Variants in MEGF8 observed in about 807,000 individuals in gnomAD.
MEGF8 encodes the protein multiple EGF like domains 8, also known as multiple epidermal growth factor-like domains protein 8.
Under a neutral mutation model 302.9 loss-of-function variants are expected in MEGF8, and 156 were observed. That is an observed-to-expected ratio of 0.52 (90% CI 0.45 to 0.59). The LOEUF (loss-of-function observed/expected upper bound fraction) is 0.59. Among genes scored for constraint, MEGF8 ranks in the 20% least tolerant of loss-of-function variants. The probability of loss-of-function intolerance (pLI) is 0.00; values close to 1 mark genes in which losing one functional copy is unlikely to be tolerated. For synonymous variants in MEGF8, 1,621 were observed against 1,660.5 expected (o/e 0.98, Z 0.58); for missense variants, 3,345 against 3,964.5 (o/e 0.84, Z 4.20).
At position 42,351,127 on chromosome 19, in the gene MEGF8, C is replaced by T; in HGVS notation, c.2737-89C>T. 1.8e-6 allele frequency: 2 copies of T among 1,134,316 alleles called. No homozygotes were observed. The highest frequency in any genetic ancestry group is 1.3e-6 in the Non-Finnish European group (1 of 791,980). 70.3% of individuals were successfully genotyped at this position (1,134,316 alleles called of 1,614,324 possible). A position where few individuals can be genotyped will look rare whatever the true frequency, so the allele number is the denominator to read the frequency against. ...GAGATGGCCTTACAGGGACAGTCTG[C>T]AGGGTGGGGCAGGGGGTGGGATGGG... On this transcript the variant is annotated intron_variant, in intron 15 of 41. Transcript: ENST00000251268. The surrounding 1 kb of genome is among the most constrained non-coding windows in gnomAD (Gnocchi z 5.6).
At chr19:42,355,033 T>C (rs1183584899) in intron 23 of MEGF8, among the ~76,000 whole-genome samples, 1 of 152,186 alleles carries the variant, frequency 6.6e-6, no homozygotes, top group East Asian at 1.9e-4. Context: ...CTCAGCTCAC[T>C]GCAACTTCTG....
Position 42,360,920 on chromosome 19 carries a change from C to T in MEGF8, c.5634C>T (p.Arg1878=), listed in dbSNP as rs62648096. The T allele has an allele frequency of 7.2e-3, 11,552 of 1,612,282 alleles. 56 individuals carry two copies. Among genetic ancestry groups the T allele is most frequent in the Middle Eastern group, 0.018 (107 of 6,048 alleles). ...LALTLPPDPC[R]LLSSPEACNQ... ...TGACCCTGCCCCCTGACCCCTGCCG[C>T]CTGCTGTCCTCACCTGAAGCTTGTA... is the stretch of plus-strand genomic sequence containing the variant. Residue 1878 remains arginine, a synonymous_variant, in exon 32 of 42, where the codon CGC becomes CGT. Coordinates refer to ENST00000251268, the MANE Select transcript of MEGF8 (RefSeq NM_001271938.2).
At chr19:42,328,826 G>A (rs1459287738) in intron 1 of MEGF8, among the ~76,000 whole-genome samples, 1 of 152,030 alleles carries the variant, frequency 6.6e-6, no homozygotes, top group Non-Finnish European at 1.5e-5. Context: ...GTTCCAGCCT[G>A]GGTGACAGAG....
chr19:42,373,467 C>T (rs2039720647), intron 41 of MEGF8, among the ~76,000 whole-genome samples: 1 of 151,698 alleles, frequency 6.6e-6, no homozygotes, highest in Non-Finnish European at 1.5e-5. Flanking sequence ...GTGGTGCAAT[C>T]TCAGCTCATT....
At chr19:42,340,589 G>T (rs957223634) in intron 8 of MEGF8, among the ~76,000 whole-genome samples, 1 of 152,076 alleles carries the variant, frequency 6.6e-6, no homozygotes, top group East Asian at 1.9e-4. Flanking sequence ...TGATCTGCCC[G>T]CCTGGGCCTC....
rs757114761 is a variant in MEGF8, at chr19:42,360,952, C to CTGGGGCCTGCACCTGGTGCCA, written c.5677_5697dup (p.Thr1893_Cys1899dup). Reference sequence around the variant, plus strand: ...TCCTCACCTGAAGCTTGTAACCAGTCTGGGGCCTGCACCTGGTGCCATGGG... The same window carrying CTGGGGCCTGCACCTGGTGCCA: ...TCCTCACCTGAAGCTTGTAACCAGTCTGGGGCCTGCACCTGGTGCCATGGGGCCTGCACCTGGTGCCATGGG... On this transcript the variant is annotated inframe_insertion, in exon 32 of 42. Coordinates refer to ENST00000251268, the MANE Select transcript of MEGF8 (RefSeq NM_001271938.2). 80 of 1,595,308 alleles carry CTGGGGCCTGCACCTGGTGCCA rather than the reference C, an allele frequency of 5.0e-5. No homozygotes were observed. The highest frequency in any genetic ancestry group is 6.8e-5 in the Non-Finnish European group (80 of 1,168,096).
Position 42,352,094 on chromosome 19 carries a change from AT to A in MEGF8, c.3102-111del. ...CTGGTTTCTCTGTCTCTCTTTCCAA[AT>A]TTGTATTTGCATCCCTCTCCTTCCA... On this transcript the variant is annotated intron_variant, in intron 18 of 41. Coordinates refer to ENST00000251268, the MANE Select transcript of MEGF8 (RefSeq NM_001271938.2). This position sits in a 1 kb window ranked among gnomAD's most constrained non-coding sequence, Gnocchi z 4.4. The A allele has an allele frequency of 1.5e-6, 2 of 1,333,098 alleles. No individual in the cohort carries two copies. Among genetic ancestry groups the A allele is most frequent in the Non-Finnish European group, 2.0e-6 (2 of 1,000,454 alleles). The allele number at this position is 1,333,098 out of a possible 1,614,324, so 82.6% of individuals were successfully genotyped here. A position where few individuals can be genotyped will look rare whatever the true frequency, so the allele number is the denominator to read the frequency against.
At position 42,344,973 on chromosome 19, in the gene MEGF8, T is replaced by C. The variant is rs917615546; in HGVS notation, c.2097+140T>C. 2.0e-5 allele frequency: 19 copies of C among 957,250 alleles called. No homozygotes were observed. Among genetic ancestry groups the C allele is most frequent in the Non-Finnish European group, 2.4e-5 (17 of 712,498 alleles). 59.3% of individuals were successfully genotyped at this position (957,250 alleles called of 1,614,324 possible). The stretch of plus-strand genomic sequence containing the variant: ...AGGGTCTTATTTTCCTTATGGACTT[T>C]ATTTTTTATTTTTTTTGAGAGGGAG... On this transcript the variant is annotated intron_variant, in intron 12 of 41. Transcript: ENST00000251268. This position sits in a 1 kb window ranked among gnomAD's most constrained non-coding sequence, Gnocchi z 4.5.
At position 42,344,191 on chromosome 19, in the gene MEGF8, G is replaced by T; in HGVS notation, c.1788+118G>T. 1.4e-6 allele frequency: 2 copies of T among 1,393,276 alleles called. No homozygotes were observed. Among genetic ancestry groups the T allele is most frequent in the African/African-American group, 2.9e-5 (2 of 69,408 alleles). The allele number at this position is 1,393,276 out of a possible 1,614,324, so 86.3% of individuals were successfully genotyped here. ...CAACTGGGAGACTTGTTTTCATGCC[G>T]GAGATCCTCCTTCCTGATTCCTGAC... On this transcript the variant is annotated intron_variant, in intron 10 of 41. Coordinates refer to ENST00000251268, the MANE Select transcript of MEGF8 (RefSeq NM_001271938.2). This position sits in a 1 kb window ranked among gnomAD's most constrained non-coding sequence, Gnocchi z 4.5.
In MEGF8 at chr19:42,363,253, C is replaced by T. The variant is rs749822993; in HGVS notation, c.6264C>T (p.Ser2088=). 7 of 1,595,732 alleles carry T rather than the reference C, an allele frequency of 4.4e-6. 1 individual carries two copies. Among genetic ancestry groups the T allele is most frequent in the Non-Finnish European group, 4.3e-6 (5 of 1,171,304 alleles). Residue 2088 remains serine (S), a synonymous_variant, in exon 35 of 42, where the codon AGC becomes AGT. Coordinates refer to ENST00000251268, the MANE Select transcript of MEGF8 (RefSeq NM_001271938.2). ...GGWQHCVWSS[S]LQQCLSPSYL... ...GGCAGCACTGTGTTTGGAGCAGCAG[C>T]CTGCAGCAGGTACTGCACCTGGCCA...
chr19:42,335,041 G>A lies in MEGF8; in HGVS notation c.565G>A (p.Gly189Arg), dbSNP rs200037040. 3.7e-6 allele frequency: 6 copies of A among 1,611,616 alleles called. No individual in the cohort carries two copies. The African/African-American group carries it at 8.0e-5, about 22-fold the overall frequency. ...GSHGTCASPL[G>R]PCRCEPGFLG... The stretch of plus-strand genomic sequence containing the variant: ...TATGTCTCCTTTCCCGCAGCCCCTG[G>A]GACCATGCCGCTGTGAGCCTGGCTT... Residue 189 changes from glycine (G) to arginine (R), a missense_variant, in exon 4 of 42, where the codon GGA becomes AGA. Transcript: ENST00000251268.
At position 42,368,681 on chromosome 19, in the gene MEGF8, C is replaced by T. The variant is rs1434069631; in HGVS notation, c.6481+19C>T. 3 of 1,533,226 alleles carry T rather than the reference C, an allele frequency of 2.0e-6. No individual in the cohort carries two copies. The highest frequency in any genetic ancestry group is 2.6e-6 in the Non-Finnish European group (3 of 1,140,654). The allele number at this position is 1,533,226 out of a possible 1,614,324, so 95.0% of individuals were successfully genotyped here. On this transcript the variant is annotated intron_variant, in intron 36 of 41. Coordinates refer to ENST00000251268, the MANE Select transcript of MEGF8 (RefSeq NM_001271938.2). The surrounding 1 kb of genome is among the most constrained non-coding windows in gnomAD (Gnocchi z 4.9). ...CGTGATGGTGAGAGGGCTTTGGGCACTGGGGGAGAGGGGCTGGCCCTTGGT... is the reference window on the plus strand; with the variant it reads ...CGTGATGGTGAGAGGGCTTTGGGCATTGGGGGAGAGGGGCTGGCCCTTGGT...
rs150661961 is a variant in MEGF8, at chr19:42,355,911, G to A, written c.4298G>A (p.Cys1433Tyr). 5 of 1,596,802 alleles carry A rather than the reference G, an allele frequency of 3.1e-6. No homozygotes were observed. The African/African-American group carries it at 6.7e-5, about 21-fold the overall frequency. The part of the protein sequence containing the change: ...PQDGAAGAGL[C>Y]RCPQGWAGPH... ...GACGGTGCTGCAGGTGCGGGGCTCT[G>A]CCGATGTCCTCAGGGCTGGGCTGGC... is the stretch of plus-strand genomic sequence containing the variant. Residue 1433 changes from cysteine to tyrosine, a missense_variant, in exon 24 of 42, where the codon TGC (cysteine) becomes TAC (tyrosine). Coordinates refer to ENST00000251268, the MANE Select transcript of MEGF8 (RefSeq NM_001271938.2).
chr19:42,365,603 C>CAAAA (rs549607065), intron 35 of MEGF8, among the ~76,000 whole-genome samples: 1 of 53,078 alleles, frequency 1.9e-5, no homozygotes. Flanking sequence ...CTCATCTCTA[C>CAAAA]AAAAAAAAAA....
chr19:42,368,894 CT>C lies in MEGF8; in HGVS notation c.6534del (p.Glu2179ArgfsTer37). 6.2e-7 allele frequency: 1 copy of C among 1,613,892 alleles called. No individual in the cohort carries two copies. The highest frequency in any genetic ancestry group is 8.5e-7 in the Non-Finnish European group (1 of 1,179,880). On this transcript the variant is annotated frameshift_variant, in exon 37 of 42. Transcript: ENST00000251268. LOFTEE classifies it high-confidence loss of function. The surrounding 1 kb of genome is among the most constrained non-coding windows in gnomAD (Gnocchi z 4.9). ...TCCTGGGCCTTCCTGTCCTGCCCCC[CT>C]GAGGACGAGTGTGCAAACGGGCACC... ...GASWAFLSCP[P>X]EDECANGHHD...
rs773776672 is a variant in MEGF8, at chr19:42,375,549, G to A, written c.7312G>A (p.Gly2438Ser). The change falls in exon 42 of 42, where the codon GGC becomes AGC. Residue 2438 changes from glycine to serine, a missense_variant. Transcript: ENST00000251268. This position sits in a 1 kb window ranked among gnomAD's most constrained non-coding sequence, Gnocchi z 7.1. ...RESFHGSPLG[G>S]QQCYRLISVE... ...ATCATTTCACGGGAGTCCGCTGGGC[G>A]GCCAGCAGTGCTACCGCCTCATCTC... The A allele has an allele frequency of 8.2e-6, 13 of 1,593,268 alleles. No homozygotes were observed. The highest frequency in any genetic ancestry group is 1.3e-5 in the African/African-American group (1 of 74,382).
chr19:42,354,015 C>T lies in MEGF8; in HGVS notation c.4002C>T (p.Thr1334=), dbSNP rs1208790339. ...LTLTFSPDSS[T]PCTLSYVLAF... is the part of the protein sequence containing the mutation. ...TCACCTTCTCCCCCGACAGCAGCAC[C>T]CCCTGCACGGTGAGCACTGAGGAAA... The change falls in exon 22 of 42, where the codon ACC becomes ACT. Residue 1334 remains threonine, a synonymous_variant. Transcript: ENST00000251268. This position sits in a 1 kb window ranked among gnomAD's most constrained non-coding sequence, Gnocchi z 4.3. 2 of 1,586,948 alleles carry T rather than the reference C, an allele frequency of 1.3e-6. No individual in the cohort carries two copies. The highest frequency in any genetic ancestry group is 1.4e-5 in the African/African-American group (1 of 74,040).
rs75057997 is a variant in MEGF8, at chr19:42,349,930, C to G, written c.2500-218C>G. ...GACCCCCATCTTCTGACTCCTCACCCTTGACCCTGCTGACCCTGACCTCTG... is the reference window on the plus strand; with the variant it reads ...GACCCCCATCTTCTGACTCCTCACCGTTGACCCTGCTGACCCTGACCTCTG... On this transcript the variant is annotated intron_variant, in intron 14 of 41. Transcript: ENST00000251268. Among the ~76,000 whole-genome samples, 3,161 of 152,188 alleles carry G rather than the reference C, an allele frequency of 0.021. 100 individuals are homozygous for G. The highest frequency in any genetic ancestry group is 0.071 in the African/African-American group (2,952 of 41,488).
Position 42,363,166 on chromosome 19 carries a change from C to T in MEGF8, c.6177C>T (p.Thr2059=), listed in dbSNP as rs750386603. ...VESSPPLPCP[T]PCHLLPNCTS... Reference sequence around the variant, plus strand: ...CATCACCCCCACTGCCCTGCCCCACCCCTTGTCACCTCCTACCCAACTGTA... The same window carrying T: ...CATCACCCCCACTGCCCTGCCCCACTCCTTGTCACCTCCTACCCAACTGTA... The change falls in exon 35 of 42, where the codon ACC becomes ACT. Residue 2059 remains threonine, a synonymous_variant. Transcript: ENST00000251268. 1.2e-6 allele frequency: 2 copies of T among 1,612,462 alleles called. No individual in the cohort carries two copies. The highest frequency in any genetic ancestry group is 1.7e-6 in the Non-Finnish European group (2 of 1,179,322).
Sources: gnomAD v4.1 joint callset for allele counts (sites outside exome capture counted in the v4.1 genomes callset) on GRCh38, gnomAD v4.1.1 for gene constraint, Gnocchi (gnomAD v3.1) non-coding constraint, MANE v1.5 for transcripts, NCBI Gene and HGNC (gene_info 2026-07-23, HGNC 2026-07-21) for gene names.